KIF15: variants seen among roughly 807,000 people sequenced by gnomAD.
KIF15 encodes the protein kinesin family member 15, also known as kinesin-like protein KIF15.
Under a neutral mutation model 190.6 loss-of-function variants are expected in KIF15, and 140 were observed. The ratio of observed to expected loss-of-function variants is 0.73; its 90% CI spans 0.64 to 0.84. The LOEUF (loss-of-function observed/expected upper bound fraction) is 0.84. Ranked by LOEUF, KIF15 falls within the 40% of genes least tolerant of loss-of-function variation. The probability of loss-of-function intolerance (pLI) is 0.00; values close to 1 mark genes in which losing one functional copy is unlikely to be tolerated. For missense variants in KIF15, 1,372 were observed against 1,584.4 expected, an observed-to-expected ratio of 0.87 and a Z score of 2.28; for synonymous variants, 528 against 551.3, an observed-to-expected ratio of 0.96 and a Z score of 0.59.
chr3:44,763,933 C>T lies in KIF15; in HGVS notation c.19+2049C>T, dbSNP rs188437777. ...GAACTCCTGAACTCAAGCAATCCAC[C>T]TGCCTTGGCCTCCCAAAGTGCTAGG... is the stretch of plus-strand genomic sequence containing the variant. On this transcript the variant is annotated intron_variant, in intron 1 of 34. Coordinates refer to ENST00000326047, the MANE Select transcript of KIF15 (RefSeq NM_020242.3). Among the ~76,000 whole-genome samples the T allele has an allele frequency of 2.4e-3, 363 of 152,244 alleles. 5 individuals carry two copies. Among genetic ancestry groups the T allele is most frequent in the Non-Finnish European group, 3.1e-4 (21 of 68,024 alleles).
intron 26 of KIF15, among the ~76,000 whole-genome samples, chr3:44,836,757 CGAA>C (rs1325393742): frequency 2.0e-5 from 3 of 152,142 alleles, no homozygotes; most frequent in Non-Finnish European, 4.4e-5. Flanking sequence ...GTATTGCCAG[CGAA>C]GAAGACTTTA....
At chr3:44,794,917 G>A (rs537355790) in intron 8 of KIF15, among the ~76,000 whole-genome samples, 6 of 152,164 alleles carry the variant, frequency 3.9e-5, no homozygotes, top group Admixed American at 1.3e-4. Context: ...AGCTGAGATC[G>A]CGCCACTGCA....
intron 15 of KIF15, 132 bp downstream of exon 15, chr3:44,805,300 T>C (rs1707445749): frequency 1.2e-6 from 1 of 821,936 alleles, no homozygotes; most frequent in East Asian, 2.7e-5. Flanking sequence ...TACTTTGACA[T>C]GAAGAGAAAG....
At chr3:44,804,934 G>A in intron 14 of KIF15, 93 bp from the exon 15 acceptor site, 1 of 1,312,758 alleles carries the variant, frequency 7.6e-7, no homozygotes, top group Non-Finnish European at 1.0e-6. Context: ...GATCATGCTT[G>A]TGAATAGCCA....
At chr3:44,793,496 T>A (rs1382111979) in intron 7 of KIF15, among the ~76,000 whole-genome samples, 1 of 152,198 alleles carries the variant, frequency 6.6e-6, no homozygotes, top group East Asian at 1.9e-4. Flanking sequence ...TCCTATGCGC[T>A]CTGATTTCCT....
intron 6 of KIF15, 123 bp from the exon 7 acceptor site, chr3:44,786,272 T>C (rs879741029): frequency 6.3e-5 from 42 of 666,116 alleles, no homozygotes; most frequent in Non-Finnish European, 9.1e-5. Flanking sequence ...TATCTTATAT[T>C]GTATTAAAGG....
intron 26 of KIF15, 116 bp from the exon 27 acceptor site, chr3:44,838,159 G>A (rs940429680): frequency 1.9e-6 from 2 of 1,058,268 alleles, no homozygotes; most frequent in Admixed American, 2.6e-5. Flanking sequence ...ACAAGCAAAA[G>A]AAATAGGTTT....
intron 14 of KIF15, among the ~76,000 whole-genome samples, chr3:44,803,631 C>T (rs1008815258): frequency 1.1e-4 from 17 of 152,176 alleles, no homozygotes; most frequent in Admixed American, 7.9e-4. Flanking sequence ...AATATTTTCA[C>T]GGTCTTTTAT....
chr3:44,767,606 T>G (rs1433056097), intron 1 of KIF15, among the ~76,000 whole-genome samples: 1 of 151,852 alleles, frequency 6.6e-6, no homozygotes, highest in African/African-American at 2.4e-5. Context: ...TGTAAGAGTG[T>G]GGAGCTCGGC....
Position 44,763,840 on chromosome 3 carries a change from A to C in KIF15, c.19+1956A>C, listed in dbSNP as rs555640086. 5.9e-5 allele frequency among the ~76,000 whole-genome samples: 9 copies of C among 152,222 alleles called. No homozygotes were observed. The South Asian group carries it at 1.9e-3, about 32-fold the overall frequency. On this transcript the variant is annotated intron_variant, in intron 1 of 34. Coordinates refer to ENST00000326047, the MANE Select transcript of KIF15 (RefSeq NM_020242.3). ...GTAGCTGGGACTACAGGCGTGCACC[A>C]CCATGCCCTGCTAATTTTTTGTATT...
At chr3:44,833,285 A>AG (rs1402299921) in intron 26 of KIF15, among the ~76,000 whole-genome samples, 44 of 152,038 alleles carry the variant, frequency 2.9e-4, no homozygotes, top group Admixed American at 2.8e-3. Flanking sequence ...CAGGAGTGTG[A>AG]GGGGGGCTGG....
chr3:44,799,156 A>G (rs1707135134), intron 10 of KIF15: 1 of 417,988 alleles, frequency 2.4e-6, no homozygotes, highest in African/African-American at 2.1e-5. Context: ...TTATGAAGTC[A>G]CTGATGGGAC....
chr3:44,769,991 T>C (rs913197684), intron 1 of KIF15, among the ~76,000 whole-genome samples: 1 of 152,188 alleles, frequency 6.6e-6, no homozygotes, highest in Non-Finnish European at 1.5e-5. Context: ...TGCAGGATAA[T>C]TGCTTAGAAC....
rs78228525 is a variant in KIF15 at position 44,774,808 on chromosome 3, G to T, written c.62+371G>T. The stretch of plus-strand genomic sequence containing the variant: ...TAGGTCATGTGAGACTCTGTAAAAA[G>T]AGATAAATTTGGCTGGGTGCAGGGC... On this transcript the variant is annotated intron_variant, in intron 2 of 34. Coordinates refer to ENST00000326047, the MANE Select transcript of KIF15 (RefSeq NM_020242.3). Among the ~76,000 whole-genome samples, 241 of 152,314 alleles carry T rather than the reference G, an allele frequency of 1.6e-3. 4 individuals are homozygous for T. In the East Asian group the frequency reaches 0.041, roughly 26 times the overall value.
At chr3:44,826,325 G>C (rs1357200213) in intron 21 of KIF15, 50 bp from the exon 22 acceptor site, 2 of 1,570,962 alleles carry the variant, frequency 1.3e-6, no homozygotes, top group Non-Finnish European at 1.7e-6. Flanking sequence ...CATGTTCGTT[G>C]ACTATGCATT....
At chr3:44,801,566 T>A (rs771942065) in intron 12 of KIF15, 40 bp downstream of exon 12, 5 of 1,345,764 alleles carry the variant, frequency 3.7e-6, no homozygotes, top group South Asian at 2.4e-5. Flanking sequence ...TTCAAGATAG[T>A]TAGTTTTTTG....
intron 6 of KIF15, among the ~76,000 whole-genome samples, chr3:44,866,902 C>A (rs903089550): frequency 6.6e-6 from 1 of 152,210 alleles, no homozygotes; most frequent in Non-Finnish European, 1.5e-5. Flanking sequence ...TGTACTTGCT[C>A]TTACCCTTGC....
intron 5 of KIF15, among the ~76,000 whole-genome samples, chr3:44,783,167 G>C (rs1559529964): frequency 6.6e-6 from 1 of 152,124 alleles, no homozygotes; most frequent in Non-Finnish European, 1.5e-5. Context: ...TTGTGTTGCT[G>C]TAAAGGAATA....
intron 6 of KIF15, among the ~76,000 whole-genome samples, chr3:44,866,083 T>TG (rs1439409342): frequency 2.0e-5 from 3 of 150,940 alleles, no homozygotes; most frequent in Non-Finnish European, 4.4e-5. Context: ...TTTTTGGGTT[T>TG]TTTTTTTTTG....
Sources: allele counts gnomAD v4.1 joint callset (sites outside exome capture counted in the v4.1 genomes callset), GRCh38; gene constraint gnomAD v4.1.1; transcripts MANE v1.5; gene names NCBI Gene and HGNC (gene_info 2026-07-23, HGNC 2026-07-21).